The following WBP2NL variants were observed in gnomAD, a reference collection of about 807,000 sequenced individuals.
WBP2NL encodes WBP2 N-terminal like, also known as postacrosomal sheath WW domain-binding protein.
In WBP2NL, 27 loss-of-function variants were observed where a neutral mutation model predicts 23.3. That is an observed-to-expected ratio of 1.16 (90% confidence interval 0.85 to 1.60). The LOEUF (loss-of-function observed/expected upper bound fraction) is 1.60, where lower values mean the gene tolerates loss of function less well. Among genes scored for constraint, WBP2NL ranks in the 40% most tolerant of loss-of-function variants. The probability of loss-of-function intolerance (pLI) is 0.00; values close to 1 mark genes in which losing one functional copy is unlikely to be tolerated. For missense variants in WBP2NL, 370 were observed against 389.5 expected (o/e 0.95, Z 0.42); for synonymous variants, 151 against 145.9 (o/e 1.03, Z -0.25).
At chr22:42,043,366 G>C (rs910471646) in intron 8 of WBP2NL, among the ~76,000 whole-genome samples, 10 of 152,246 alleles carry the variant, frequency 6.6e-5, no homozygotes, top group African/African-American at 2.4e-4. Flanking sequence ...ACAAGTTGTT[G>C]GTGTGGGGCT....
intron 8 of WBP2NL, among the ~76,000 whole-genome samples, chr22:42,040,507 G>T (rs576725960): frequency 6.6e-6 from 1 of 152,312 alleles, no homozygotes; most frequent in African/African-American, 2.4e-5. Context: ...ACAGGTGTGT[G>T]AGCCACCTCG....
At chr22:42,025,413 C>T (rs1924388274) in intron 5 of WBP2NL, among the ~76,000 whole-genome samples, 1 of 152,212 alleles carries the variant, frequency 6.6e-6, no homozygotes, top group Admixed American at 6.5e-5. Flanking sequence ...CAATTCTTCA[C>T]CAATGTGGCC....
At chr22:42,044,159 G>C (rs1321987047) in intron 8 of WBP2NL, among the ~76,000 whole-genome samples, 1 of 152,192 alleles carries the variant, frequency 6.6e-6, no homozygotes, top group Non-Finnish European at 1.5e-5. Flanking sequence ...CACCAAGTCT[G>C]TGCCTAGAAT....
intron 8 of WBP2NL, among the ~76,000 whole-genome samples, chr22:42,049,695 C>CAAAAAAAAAAA (rs1569455101): frequency 8.7e-5 from 2 of 22,878 alleles, no homozygotes; most frequent in African/African-American, 4.4e-4. Context: ...GTCTCCAAAA[C>CAAAAAAAAAAA]AAAACAAAAC....
intron 8 of WBP2NL, among the ~76,000 whole-genome samples, chr22:42,048,986 G>A (rs1925710408): frequency 6.6e-6 from 1 of 152,118 alleles, no homozygotes; most frequent in Non-Finnish European, 1.5e-5. Flanking sequence ...GGCTAATCCA[G>A]TAAGATAAGG....
intron 1 of WBP2NL, among the ~76,000 whole-genome samples, chr22:42,010,732 G>A (rs1006141587): frequency 2.0e-5 from 3 of 152,052 alleles, no homozygotes; most frequent in Non-Finnish European, 4.4e-5. Context: ...TAGAGATGGG[G>A]TTTCACCGTG....
At chr22:42,015,815 A>C (rs1012250413) in intron 1 of WBP2NL, among the ~76,000 whole-genome samples, 1 of 152,186 alleles carries the variant, frequency 6.6e-6, no homozygotes, top group African/African-American at 2.4e-5. Context: ...CTGGACATGT[A>C]TGTGTATGGC....
At chr22:42,048,062 T>G (rs925784834) in intron 8 of WBP2NL, among the ~76,000 whole-genome samples, 1 of 152,102 alleles carries the variant, frequency 6.6e-6, no homozygotes, top group Non-Finnish European at 1.5e-5. Context: ...CAAGTAGAAT[T>G]TATCCAGGTG....
intron 8 of WBP2NL, among the ~76,000 whole-genome samples, chr22:42,050,206 C>T (rs555140062): frequency 4.6e-5 from 7 of 151,982 alleles, no homozygotes; most frequent in African/African-American, 1.7e-4. Context: ...ACTCGGGAGG[C>T]TTAGGTGGGA....
intron 1 of WBP2NL, among the ~76,000 whole-genome samples, chr22:42,018,208 C>T (rs1923504060): frequency 6.8e-6 from 1 of 146,882 alleles, no homozygotes; most frequent in South Asian, 2.1e-4. Context: ...CCCAGCTACT[C>T]AGGAGGCTGA....
downstream of WBP2NL, among the ~76,000 whole-genome samples, chr22:42,034,160 G>T (rs1925092843): frequency 6.6e-6 from 1 of 152,250 alleles, no homozygotes; most frequent in Non-Finnish European, 1.5e-5. Context: ...TTTGCTCTGA[G>T]ATCAGAGAAG....
chr22:42,039,982 G>A (rs146777464), intron 8 of WBP2NL, among the ~76,000 whole-genome samples: 2 of 150,748 alleles, frequency 1.3e-5, no homozygotes, highest in African/African-American at 4.9e-5. Flanking sequence ...CTCAACCTCA[G>A]CTCACTGCAA....
intron 8 of WBP2NL, among the ~76,000 whole-genome samples, chr22:42,054,505 G>A (rs1424363029): frequency 6.6e-6 from 1 of 151,976 alleles, no homozygotes; most frequent in Non-Finnish European, 1.5e-5. Flanking sequence ...TCTGATTTTA[G>A]TGTCCTATCT....
Position 42,001,803 on chromosome 22 carries a change from C to T in WBP2NL, c.62+2923C>T, listed in dbSNP as rs544997518. 5 of 1,214,850 alleles carry T rather than the reference C, an allele frequency of 4.1e-6. No individual in the cohort carries two copies. In the African/African-American group the frequency reaches 6.0e-5, roughly 15 times the overall value. 75.3% of individuals were successfully genotyped at this position (1,214,850 alleles called of 1,614,324 possible). The stretch of plus-strand genomic sequence containing the variant: ...CTTGGGAATACAGACCATGCAGTCT[C>T]TAATGCCCTTGTATTGCTTATCTGC... On this transcript the variant is annotated intron_variant, in intron 1 of 5. Transcript: ENST00000328823.
intron 1 of WBP2NL, among the ~76,000 whole-genome samples, chr22:42,012,946 C>G (rs1215315614): frequency 6.7e-6 from 1 of 148,430 alleles, no homozygotes; most frequent in Non-Finnish European, 1.5e-5. Flanking sequence ...GAGCCAAGAT[C>G]ATGCCACTGC....
downstream of WBP2NL, chr22:42,032,712 G>A (rs922334031): frequency 2.1e-6 from 1 of 468,950 alleles, no homozygotes; most frequent in African/African-American, 2.0e-5. Flanking sequence ...AGCCTGAAGA[G>A]GGTGGGGCAG....
chr22:42,032,906 T>A, downstream of WBP2NL: 1 of 210,794 alleles, frequency 4.7e-6, no homozygotes. Context: ...TTATTATAAA[T>A]AATAAAACAG....
intron 4 of WBP2NL, among the ~76,000 whole-genome samples, chr22:42,020,887 TATATATATATATATATA>T (rs1923872091): frequency 3.2e-5 from 2 of 62,248 alleles, no homozygotes; most frequent in African/African-American, 1.3e-4. Flanking sequence ...TATATATATA[TATATATATATATATATA>T]TATATTTTTT....
At chr22:42,010,148 A>C (rs1922670729) in intron 1 of WBP2NL, among the ~76,000 whole-genome samples, 1 of 152,086 alleles carries the variant, frequency 6.6e-6, no homozygotes. Flanking sequence ...TTGTGGGTTG[A>C]TTTTATATGC....
Sources: allele counts gnomAD v4.1 joint callset (sites outside exome capture counted in the v4.1 genomes callset), GRCh38; gene constraint gnomAD v4.1.1; transcripts MANE v1.5; gene names NCBI Gene and HGNC (gene_info 2026-07-23, HGNC 2026-07-21).